GRXCR2: variants seen among roughly 807,000 people sequenced by gnomAD.
GRXCR2 encodes glutaredoxin and cysteine rich domain containing 2.
A neutral mutation model predicts 24.8 loss-of-function variants in GRXCR2; 23 were observed. The ratio of observed to expected loss-of-function variants is 0.93; its 90% confidence interval spans 0.67 to 1.32. The LOEUF (loss-of-function observed/expected upper bound fraction) is 1.32, where lower values mean the gene tolerates loss of function less well. GRXCR2 is among the 40% of genes most tolerant of loss of function. The probability of loss-of-function intolerance (pLI) is 0.00; values close to 1 mark genes in which losing one functional copy is unlikely to be tolerated. For missense variants in GRXCR2, 315 were observed against 303.4 expected, an observed-to-expected ratio of 1.04 and a Z score of -0.28; for synonymous variants, 130 against 116.1, an observed-to-expected ratio of 1.12 and a Z score of -0.77.
At chr5:145,877,904 G>C (rs570413529), upstream of GRXCR2, among the ~76,000 whole-genome samples, 17 of 152,316 alleles carry the variant, frequency 1.1e-4, no homozygotes, top group Middle Eastern at 3.4e-3. Flanking sequence ...AGGCAAACAG[G>C]GTCTGGAGTG....
intron 2 of GRXCR2, among the ~76,000 whole-genome samples, chr5:145,923,498 C>T (rs969586298): frequency 6.6e-6 from 1 of 152,152 alleles, no homozygotes; most frequent in Non-Finnish European, 1.5e-5. Flanking sequence ...ATAGATGCCA[C>T]AAAACAGCAT....
Position 145,898,287 on chromosome 5 carries a change from TA to T in GRXCR2, c.-69-31560del, listed in dbSNP as rs35725132. ...TCAGTTCTGAAATTGAATCAGTAAT[TA>T]AAAAAAAAAAAGCCTACCAACCAAG... On this transcript the variant is annotated intron_variant, in intron 2 of 3. Coordinates refer to the GRXCR2 transcript ENST00000639411. Among the ~76,000 whole-genome samples the T allele has an allele frequency of 8.3e-3, 1,146 of 138,192 alleles. 5 individuals carry two copies. The highest frequency in any genetic ancestry group is 0.02 in the African/African-American group (751 of 38,208). The allele number at this position is 138,192 out of a possible 152,430, so 90.7% of individuals were successfully genotyped here.
chr5:145,924,195 T>C (rs1016053649), intron 2 of GRXCR2, among the ~76,000 whole-genome samples: 1 of 152,124 alleles, frequency 6.6e-6, no homozygotes, highest in African/African-American at 2.4e-5. Flanking sequence ...AAAGGCAATA[T>C]CTCAAATGGC....
chr5:145,904,744 A>G (rs1394041700), intron 2 of GRXCR2, among the ~76,000 whole-genome samples: 1 of 152,162 alleles, frequency 6.6e-6, no homozygotes, highest in Non-Finnish European at 1.5e-5. Flanking sequence ...ACTTTAAATG[A>G]CAATCATTGT....
At chr5:145,879,480 T>C (rs1282373115) in intron 2 of GRXCR2, among the ~76,000 whole-genome samples, 1 of 151,602 alleles carries the variant, frequency 6.6e-6, no homozygotes, top group Non-Finnish European at 1.5e-5. Flanking sequence ...GGTAAAGGGA[T>C]CAATTCAACA....
rs1371866902 is a variant in GRXCR2, at chr5:145,859,398, A to G, written c.*335T>C. The G allele has an allele frequency of 3.1e-5, 8 of 260,450 alleles. No homozygotes were observed. Among genetic ancestry groups the G allele is most frequent in the Non-Finnish European group, 5.8e-5 (8 of 136,798 alleles). The allele number at this position is 260,450 out of a possible 1,614,324, so 16.1% of individuals were successfully genotyped here. ...ACATAATTTTGCAAAATAACTCCCAACCTGATGCCTGAAGTGTACATGTAT... is the reference window on the plus strand; with the variant it reads ...ACATAATTTTGCAAAATAACTCCCAGCCTGATGCCTGAAGTGTACATGTAT... On this transcript the variant is annotated 3_prime_UTR_variant, in exon 3 of 3. Coordinates refer to ENST00000377976, the MANE Select transcript of GRXCR2 (RefSeq NM_001080516.2).
At chr5:145,875,274 G>A (rs1323590685), upstream of GRXCR2, among the ~76,000 whole-genome samples, 1 of 152,200 alleles carries the variant, frequency 6.6e-6, no homozygotes, top group African/African-American at 2.4e-5. Flanking sequence ...AGGTGGCTGG[G>A]CGCGGTGGCT....
At chr5:145,864,138 A>G (rs1756388262) in intron 2 of GRXCR2, among the ~76,000 whole-genome samples, 1 of 152,150 alleles carries the variant, frequency 6.6e-6, no homozygotes, top group Admixed American at 6.5e-5. Flanking sequence ...GCCAGGGAAG[A>G]TCCCTCTGAG....
intron 2 of GRXCR2, among the ~76,000 whole-genome samples, chr5:145,920,620 C>A (rs1757308224): frequency 6.6e-6 from 1 of 152,060 alleles, no homozygotes. Context: ...TGATGAAAAC[C>A]AAGCATGACA....
intron 2 of GRXCR2, among the ~76,000 whole-genome samples, chr5:145,889,080 C>G (rs544511463): frequency 1.3e-5 from 2 of 151,714 alleles, no homozygotes; most frequent in Admixed American, 6.6e-5. Context: ...ATCGCCTGAA[C>G]CTGGAAGCTG....
chr5:145,931,439 G>T (rs190435541), intron 2 of GRXCR2, among the ~76,000 whole-genome samples: 1 of 152,280 alleles, frequency 6.6e-6, no homozygotes, highest in East Asian at 1.9e-4. Context: ...CCAGCAGTCT[G>T]GGTCACTTTA....
intron 2 of GRXCR2, among the ~76,000 whole-genome samples, chr5:145,897,122 T>G (rs1257734015): frequency 9.1e-6 from 1 of 109,498 alleles, no homozygotes; most frequent in Non-Finnish European, 1.7e-5. Context: ...CATCATACAC[T>G]GGGACCTGTT....
chr5:145,893,847 A>AC (rs1385227425), intron 2 of GRXCR2, among the ~76,000 whole-genome samples: 1 of 152,194 alleles, frequency 6.6e-6, no homozygotes, highest in Non-Finnish European at 1.5e-5. Context: ...TCAGCACCAC[A>AC]CCATACCTAT....
At chr5:145,886,033 A>G (rs1756775098) in intron 2 of GRXCR2, among the ~76,000 whole-genome samples, 1 of 152,194 alleles carries the variant, frequency 6.6e-6, no homozygotes, top group Non-Finnish European at 1.5e-5. Context: ...CTTCTATCTC[A>G]CATCATGAAA....
rs141618183 is a variant in GRXCR2, at chr5:145,872,885, G to A, written c.84C>T (p.Ser28=). Reference sequence around the variant, plus strand: ...CAAAGACCTGCTTCAATACTCGACCGCTGTAGGAGGAGGAGATTTTAAATC... The same window carrying A: ...CAAAGACCTGCTTCAATACTCGACCACTGTAGGAGGAGGAGATTTTAAATC... ...KVRFKISSSY[S]GRVLKQVFED... The change falls in exon 1 of 3, where the codon AGC becomes AGT. Residue 28 remains serine (S), a synonymous_variant. Transcript: ENST00000377976. The A allele has an allele frequency of 5.5e-5, 88 of 1,614,066 alleles. No homozygotes were observed. The African/African-American group carries it at 1.1e-3, about 19-fold the overall frequency.
intron 2 of GRXCR2, among the ~76,000 whole-genome samples, chr5:145,908,947 G>A (rs532588086): frequency 1.3e-5 from 2 of 152,312 alleles, no homozygotes; most frequent in East Asian, 1.9e-4. Flanking sequence ...TGCGGGTTAA[G>A]GTTGAGGACT....
chr5:145,859,997 C>T lies in GRXCR2; in HGVS notation c.565-82G>A. ...TGCAGGTCAAAACAGCACTAGACTA[C>T]AGCAAAGGCTGGGGCAGAATAGAGG... is the stretch of plus-strand genomic sequence containing the variant. On this transcript the variant is annotated intron_variant, in intron 2 of 2. Coordinates refer to ENST00000377976, the MANE Select transcript of GRXCR2 (RefSeq NM_001080516.2). The T allele has an allele frequency of 7.7e-6, 9 of 1,164,668 alleles. No homozygotes were observed. The South Asian group carries it at 9.8e-5, about 13-fold the overall frequency. 72.1% of individuals were successfully genotyped at this position (1,164,668 alleles called of 1,614,324 possible).
At chr5:145,930,661 G>A (rs1280596607) in intron 2 of GRXCR2, among the ~76,000 whole-genome samples, 1 of 152,196 alleles carries the variant, frequency 6.6e-6, no homozygotes, top group Non-Finnish European at 1.5e-5. Flanking sequence ...GGGATACATT[G>A]TGTAAGAGCA....
At chr5:145,896,601 T>G (rs1756953135) in intron 2 of GRXCR2, among the ~76,000 whole-genome samples, 1 of 152,138 alleles carries the variant, frequency 6.6e-6, no homozygotes. Flanking sequence ...TCACACCAGT[T>G]AGAATGGCAA....
Sources: allele counts gnomAD v4.1 joint callset (sites outside exome capture counted in the v4.1 genomes callset), GRCh38; gene constraint gnomAD v4.1.1; transcripts MANE v1.5; gene names NCBI Gene and HGNC (gene_info 2026-07-23, HGNC 2026-07-21).